Variants in FIP1L1 observed in about 807,000 individuals in gnomAD.
The protein encoded by FIP1L1 is pre-mRNA 3'-end-processing factor FIP1.
In FIP1L1, 21 loss-of-function variants were observed where a neutral mutation model predicts 84.6. The ratio of observed to expected loss-of-function variants is 0.25; its 90% CI spans 0.18 to 0.36. The LOEUF (loss-of-function observed/expected upper bound fraction) is 0.36, where lower values mean the gene tolerates loss of function less well. Ranked by LOEUF, FIP1L1 falls within the 10% of genes least tolerant of loss-of-function variation. The pLI is 1.00. For synonymous variants in FIP1L1, 263 were observed against 242.3 expected, an observed-to-expected ratio of 1.09 and a Z score of -0.80; for missense variants, 526 against 751.1, an observed-to-expected ratio of 0.70 and a Z score of 3.50.
chr4:53,396,975 G>A (rs1266824885), intron 9 of FIP1L1, among the ~76,000 whole-genome samples: 1 of 152,172 alleles, frequency 6.6e-6, no homozygotes, highest in East Asian at 1.9e-4. Flanking sequence ...GAATTATGGA[G>A]TATGAAAGGA....
In FIP1L1 at chr4:53,378,156, G is replaced by C. The variant is rs1383982; in HGVS notation, c.85+233G>C. The C allele has an allele frequency of 3.7e-5, 15 of 407,704 alleles. 1 individual carries two copies. The highest frequency in any genetic ancestry group is 1.9e-4 in the African/African-American group (9 of 48,076). 25.3% of individuals were successfully genotyped at this position (407,704 alleles called of 1,614,324 possible). A position where few individuals can be genotyped will look rare whatever the true frequency, so the allele number is the denominator to read the frequency against. ...ACCCCTGTGGCGGCCGGGCCGGGCTGGGGGGCTGTGACCGGTCCTGGCCCC... is the reference window on the plus strand; with the variant it reads ...ACCCCTGTGGCGGCCGGGCCGGGCTCGGGGGCTGTGACCGGTCCTGGCCCC... On this transcript the variant is annotated intron_variant, in intron 1 of 17. Coordinates refer to ENST00000337488, the MANE Select transcript of FIP1L1 (RefSeq NM_030917.4).
intron 11 of FIP1L1, among the ~76,000 whole-genome samples, chr4:53,423,339 A>G (rs1763114591): frequency 2.0e-5 from 3 of 152,130 alleles, no homozygotes; most frequent in South Asian, 2.1e-4. Flanking sequence ...TTAGCTGTCT[A>G]CCTTACTGAA....
At chr4:53,454,093 G>T (rs770760045) in intron 16 of FIP1L1, among the ~76,000 whole-genome samples, 20 of 152,102 alleles carry the variant, frequency 1.3e-4, no homozygotes, top group Non-Finnish European at 2.8e-4. Flanking sequence ...AATTTTTCTT[G>T]TATGTGTTTT....
chr4:53,459,591 A>AAAG lies in FIP1L1; in HGVS notation c.*144_*146dup, dbSNP rs1721380816. 3.3e-6 allele frequency: 4 copies of AAAG among 1,200,444 alleles called. No individual in the cohort carries two copies. Among genetic ancestry groups the AAAG allele is most frequent in the Middle Eastern group, 4.8e-4 (2 of 4,130 alleles). 74.4% of individuals were successfully genotyped at this position (1,200,444 alleles called of 1,614,324 possible). ...AAAAGTTAACTTTTTTTCCAAAATA[A>AAAG]AAGAGTGAATTTTTCATGTTAAGTT... is the stretch of plus-strand genomic sequence containing the variant. On this transcript the variant is annotated 3_prime_UTR_variant, in exon 18 of 18. Coordinates refer to ENST00000337488, the MANE Select transcript of FIP1L1 (RefSeq NM_030917.4).
intron 2 of FIP1L1, 49 bp downstream of exon 2, chr4:53,379,166 TAA>T (rs963940604): frequency 1.9e-6 from 3 of 1,607,442 alleles, no homozygotes; most frequent in African/African-American, 1.3e-5. Context: ...CTAGTTTCTT[TAA>T]GAGTGGTTTC....
intron 14 of FIP1L1, among the ~76,000 whole-genome samples, chr4:53,443,217 T>C (rs1772749410): frequency 6.6e-6 from 1 of 152,124 alleles, no homozygotes; most frequent in Non-Finnish European, 1.5e-5. Context: ...ACTAGAACGC[T>C]GTACAAAGAA....
intron 5 of FIP1L1, among the ~76,000 whole-genome samples, chr4:53,386,323 T>G (rs1741077646): frequency 6.6e-6 from 1 of 152,186 alleles, no homozygotes; most frequent in Non-Finnish European, 1.5e-5. Context: ...AAAAGAACCC[T>G]TGGTAAAATC....
intron 16 of FIP1L1, among the ~76,000 whole-genome samples, chr4:53,454,193 T>A (rs1717692611): frequency 6.6e-6 from 1 of 152,240 alleles, no homozygotes; most frequent in Non-Finnish European, 1.5e-5. Flanking sequence ...CAATACTGTT[T>A]TTACTGTATC....
chr4:53,384,342 G>A (rs1197762804), intron 5 of FIP1L1, among the ~76,000 whole-genome samples: 1 of 152,056 alleles, frequency 6.6e-6, no homozygotes, highest in Non-Finnish European at 1.5e-5. Context: ...CTGGGAGGTG[G>A]AGGTTGCGGT....
At chr4:53,401,389 A>G (rs1025725650) in intron 10 of FIP1L1, among the ~76,000 whole-genome samples, 9 of 152,186 alleles carry the variant, frequency 5.9e-5, no homozygotes, top group African/African-American at 1.7e-4. Context: ...CAATGAAATA[A>G]TCTGATTTAG....
chr4:53,402,547 C>A (rs945263017), intron 10 of FIP1L1, among the ~76,000 whole-genome samples: 2 of 152,026 alleles, frequency 1.3e-5, no homozygotes, highest in African/African-American at 4.8e-5. Flanking sequence ...ACTAAAAATA[C>A]AAAAATTAGC....
chr4:53,389,702 C>A, intron 5 of FIP1L1, 107 bp from the exon 6 acceptor site: 1 of 776,456 alleles, frequency 1.3e-6, no homozygotes, highest in Non-Finnish European at 2.1e-6. Context: ...GTCACACTAT[C>A]CATTTACTAT....
At chr4:53,405,839 G>A (rs938411769) in intron 10 of FIP1L1, among the ~76,000 whole-genome samples, 11 of 151,894 alleles carry the variant, frequency 7.2e-5, no homozygotes, top group African/African-American at 2.4e-4. Context: ...GAATGCTTGT[G>A]ATTTTTGCAC....
intron 13 of FIP1L1, among the ~76,000 whole-genome samples, chr4:53,430,447 C>T (rs1421042576): frequency 6.8e-6 from 1 of 147,532 alleles, no homozygotes; most frequent in East Asian, 2.0e-4. Flanking sequence ...CTCCCAGGCT[C>T]AAGCGATCCT....
Position 53,458,703 on chromosome 4 carries a change from G to A in FIP1L1, c.1550G>A (p.Arg517His), listed in dbSNP as rs746636165. 2.5e-6 allele frequency: 4 copies of A among 1,613,020 alleles called. No individual in the cohort carries two copies. The highest frequency in any genetic ancestry group is 1.3e-5 in the African/African-American group (1 of 74,850). The change falls in exon 17 of 18, where the codon CGT becomes CAT. Residue 517 changes from arginine to histidine, a missense_variant. Transcript: ENST00000337488. ...GAATATGCAGAAAGAGGTTATGAGCGTCACAGAGCAAGTCGAGAAAAAGAA... is the reference window on the plus strand; with the variant it reads ...GAATATGCAGAAAGAGGTTATGAGCATCACAGAGCAAGTCGAGAAAAAGAA... ...YREYAERGYE[R>H]HRASREKEER...
At chr4:53,389,727 T>C in intron 5 of FIP1L1, 82 bp from the exon 6 acceptor site, 1 of 1,033,058 alleles carries the variant, frequency 9.7e-7, no homozygotes, top group Non-Finnish European at 1.5e-6. Flanking sequence ...TTGTATAATT[T>C]GTTTGTACAA....
chr4:53,430,161 T>C (rs1342689809), intron 13 of FIP1L1, among the ~76,000 whole-genome samples: 2 of 152,118 alleles, frequency 1.3e-5, no homozygotes, highest in African/African-American at 2.4e-5. Flanking sequence ...GCTAACATTT[T>C]GTATGTTCAG....
intron 15 of FIP1L1, 41 bp downstream of exon 15, chr4:53,444,144 A>G (rs756809571): frequency 1.2e-5 from 15 of 1,254,614 alleles, no homozygotes; most frequent in East Asian, 2.3e-5. Context: ...AGTTTGAATC[A>G]GTAAAGTACT....
At chr4:53,435,901 G>T (rs1768951106) in intron 13 of FIP1L1, among the ~76,000 whole-genome samples, 1 of 152,126 alleles carries the variant, frequency 6.6e-6, no homozygotes, top group South Asian at 2.1e-4. Flanking sequence ...CTGGTAGAAG[G>T]TGATATTTAA....
Sources: gnomAD v4.1 joint callset for allele counts (sites outside exome capture counted in the v4.1 genomes callset) on GRCh38, gnomAD v4.1.1 for gene constraint, MANE v1.5 for transcripts, NCBI Gene and HGNC (gene_info 2026-07-23, HGNC 2026-07-21) for gene names.